RYR3: variants seen among roughly 807,000 people sequenced by gnomAD.
The protein encoded by RYR3 is brain ryanodine receptor-calcium release channel.
RYR3 carries 207 observed loss-of-function variants against 584.3 expected under a neutral mutation model. The ratio of observed to expected loss-of-function variants is 0.35; its 90% CI spans 0.32 to 0.40. The LOEUF (loss-of-function observed/expected upper bound fraction) is 0.40, where lower values mean the gene tolerates loss of function less well. Ranked by LOEUF, RYR3 falls within the 10% of genes least tolerant of loss-of-function variation. The pLI is 1.00. For missense variants in RYR3, 5,616 were observed against 6,089.2 expected, an observed-to-expected ratio of 0.92 and a Z score of 2.59; for synonymous variants, 2,416 against 2,248.5, an observed-to-expected ratio of 1.07 and a Z score of -2.11.
intron 12 of RYR3, among the ~76,000 whole-genome samples, chr15:33,572,695 C>T (rs1344230124): frequency 8.5e-5 from 7 of 81,908 alleles, no homozygotes; most frequent in Admixed American, 7.6e-4. Context: ...ACACACTGGG[C>T]TGGGCACAAT....
chr15:33,559,582 A>AT (rs2057293934), intron 10 of RYR3, among the ~76,000 whole-genome samples: 2 of 152,216 alleles, frequency 1.3e-5, no homozygotes, highest in South Asian at 4.2e-4. Context: ...AGTTTGAGTG[A>AT]TTTCAGGGGG....
intron 60 of RYR3, 150 bp downstream of exon 60, chr15:33,757,746 A>G (rs773025922): frequency 1.1e-4 from 86 of 795,006 alleles, no homozygotes; most frequent in Non-Finnish European, 1.5e-4. Context: ...AACTATATTC[A>G]TACATATCTG....
chr15:33,768,639 G>A lies in RYR3; in HGVS notation c.8706-19G>A. The A allele has an allele frequency of 1.2e-6, 2 of 1,613,006 alleles. No individual in the cohort carries two copies. Among genetic ancestry groups the A allele is most frequent in the Non-Finnish European group, 1.7e-6 (2 of 1,179,020 alleles). On this transcript the variant is annotated intron_variant, in intron 60 of 103. Coordinates refer to ENST00000634891, the MANE Select transcript of RYR3 (RefSeq NM_001036.6). ...TTTAATCTCTGTGACTTTCTGAATT[G>A]CTTTCTTTTCTGCTTCAGCCTGTTC...
Position 33,613,644 on chromosome 15 carries a change from A to G in RYR3, c.2357+269A>G, listed in dbSNP as rs143668859. Among the ~76,000 whole-genome samples the G allele has an allele frequency of 3.2e-4, 48 of 152,350 alleles. No individual in the cohort carries two copies. In the East Asian group the frequency reaches 4.4e-3, roughly 14 times the overall value. On this transcript the variant is annotated intron_variant, in intron 19 of 103. Coordinates refer to ENST00000634891, the MANE Select transcript of RYR3 (RefSeq NM_001036.6). ...GTAGAAAATTAATAATTATAAAAGT[A>G]TTACATGCTCATTATAAGAAAAACT...
chr15:33,785,572 A>G (rs2074655449), intron 65 of RYR3, 90 bp from the exon 66 acceptor site: 2 of 1,089,822 alleles, frequency 1.8e-6, no homozygotes, highest in African/African-American at 1.6e-5. Flanking sequence ...ATTTATTCCT[A>G]AAGACCAAAG....
intron 52 of RYR3, 21 bp downstream of exon 52, chr15:33,742,465 G>C: frequency 6.5e-7 from 1 of 1,528,254 alleles, no homozygotes; most frequent in South Asian, 1.1e-5. Context: ...TCATCCAACT[G>C]ACAATCGTCA....
intron 3 of RYR3, among the ~76,000 whole-genome samples, chr15:33,528,379 G>A (rs760310813): frequency 6.6e-6 from 1 of 152,088 alleles, no homozygotes; most frequent in Non-Finnish European, 1.5e-5. Flanking sequence ...CCAGACCTTT[G>A]CCCACATGTG....
At chr15:33,849,792 G>C (rs1373722913) in intron 94 of RYR3, 10 of 152,126 alleles carry the variant, frequency 6.6e-5, no homozygotes, top group Admixed American at 6.6e-4. Flanking sequence ...GCTCTGCAAA[G>C]GTACAACTAA....
chr15:33,406,670 T>A (rs2043041603), intron 1 of RYR3, among the ~76,000 whole-genome samples: 1 of 152,206 alleles, frequency 6.6e-6, no homozygotes, highest in Non-Finnish European at 1.5e-5. Context: ...AGCCTTGTGT[T>A]CTGTATGATC....
At chr15:33,817,008 T>A in intron 75 of RYR3, 50 bp downstream of exon 75, 3 of 1,140,742 alleles carry the variant, frequency 2.6e-6, no homozygotes, top group Non-Finnish European at 3.9e-6. Flanking sequence ...TGAATTTGAT[T>A]TTCGAATTCA....
intron 70 of RYR3, 116 bp from the exon 71 acceptor site, chr15:33,810,363 G>A (rs2076455554): frequency 1.0e-6 from 1 of 967,956 alleles, no homozygotes; most frequent in Non-Finnish European, 1.5e-6. Context: ...TTGAAGTGTA[G>A]TAAGGCCCAC....
At chr15:33,631,045 C>A (rs1397159144) in intron 22 of RYR3, among the ~76,000 whole-genome samples, 165 bp from the exon 23 acceptor site, 2 of 152,152 alleles carry the variant, frequency 1.3e-5, no homozygotes, top group Non-Finnish European at 2.9e-5. Context: ...ACATATGGCT[C>A]ACAAAGCCTA....
intron 3 of RYR3, among the ~76,000 whole-genome samples, chr15:33,518,582 C>T (rs1047746568): frequency 1.1e-4 from 16 of 152,120 alleles, no homozygotes; most frequent in South Asian, 2.1e-4. Flanking sequence ...CAGCCCCAGT[C>T]GGTTATCCTC....
chr15:33,549,603 C>T (rs1030997329), intron 9 of RYR3, among the ~76,000 whole-genome samples: 18 of 152,192 alleles, frequency 1.2e-4, no homozygotes, highest in African/African-American at 4.3e-4. Context: ...TCTCACTTGT[C>T]TTAATCCTTT....
chr15:33,464,503 T>TATATATATATATATAC lies in RYR3; in HGVS notation c.52-8915_52-8914insTATATATATATATACA, dbSNP rs1180164194. ...ATATATATATATACACATATATATA[T>TATATATATATATATAC]ACATACACATACACATATATGTACA... On this transcript the variant is annotated intron_variant, in intron 1 of 103. Coordinates refer to ENST00000634891, the MANE Select transcript of RYR3 (RefSeq NM_001036.6). Among the ~76,000 whole-genome samples, 84 of 105,874 alleles carry TATATATATATATATAC rather than the reference T, an allele frequency of 7.9e-4. 5 individuals carry two copies. The highest frequency in any genetic ancestry group is 1.5e-3 in the South Asian group (5 of 3,302). The allele number at this position is 105,874 out of a possible 152,430, so 69.5% of individuals were successfully genotyped here.
chr15:33,693,379 T>A (rs1052090759), intron 38 of RYR3, among the ~76,000 whole-genome samples: 1 of 152,246 alleles, frequency 6.6e-6, no homozygotes, highest in Admixed American at 6.5e-5. Context: ...GGGGTCTGCA[T>A]GGCAGCCTGG....
At chr15:33,373,692 A>T (rs540784049) in intron 1 of RYR3, among the ~76,000 whole-genome samples, 7 of 152,330 alleles carry the variant, frequency 4.6e-5, no homozygotes, top group Admixed American at 4.6e-4. Flanking sequence ...GATGTGTTTT[A>T]AATTGTATGT....
chr15:33,727,110 G>C (rs1172171144), intron 46 of RYR3, among the ~76,000 whole-genome samples: 1 of 152,204 alleles, frequency 6.6e-6, no homozygotes, highest in African/African-American at 2.4e-5. Flanking sequence ...CCCCCAGCTT[G>C]TGTAGGCAGT....
chr15:33,433,028 C>T lies in RYR3; in HGVS notation c.52-40391C>T, dbSNP rs550144892. Among the ~76,000 whole-genome samples the T allele has an allele frequency of 5.1e-4, 77 of 152,104 alleles. 1 individual carries two copies. The highest frequency in any genetic ancestry group is 1.8e-3 in the African/African-American group (76 of 41,422). ...ATTCTTCAACTGGTCTGTCCATTAC[C>T]TGAGGCCTATATTGACCTTTTCCCT... On this transcript the variant is annotated intron_variant, in intron 1 of 103. Transcript: ENST00000634891.
Sources: allele counts gnomAD v4.1 joint callset (sites outside exome capture counted in the v4.1 genomes callset), GRCh38; gene constraint gnomAD v4.1.1; transcripts MANE v1.5; gene names NCBI Gene and HGNC (gene_info 2026-07-23, HGNC 2026-07-21).